The following SETD5 variants were observed in gnomAD, a reference collection of about 807,000 sequenced individuals.
The protein encoded by SETD5 is histone-lysine N-methyltransferase SETD5.
A neutral mutation model predicts 153.3 loss-of-function variants in SETD5; 44 were observed. The observed-to-expected ratio is 0.29, with a 90% CI of 0.23 to 0.37. SETD5 has a LOEUF of 0.37. SETD5 is among the 10% of genes least tolerant of loss of function. SETD5 has a pLI of 1.00. For missense variants in SETD5, 1,544 were observed against 1,768.0 expected (o/e 0.87, Z 2.27); for synonymous variants, 716 against 645.2 (o/e 1.11, Z -1.66).
intron 13 of SETD5, among the ~76,000 whole-genome samples, chr3:9,446,138 T>G (rs899656016): frequency 2.6e-5 from 4 of 151,350 alleles, no homozygotes; most frequent in Non-Finnish European, 4.4e-5. Context: ...ATACAAAAAA[T>G]TAGCCGGGCG....
intron 18 of SETD5, chr3:9,464,909 T>A: frequency 1.8e-6 from 1 of 559,166 alleles, no homozygotes. Context: ...ATGTATCTTT[T>A]GCATGCAGTC....
Position 9,448,007 on chromosome 3 carries a change from G to GTAA in SETD5, c.2103+2_2103+4dup, listed in dbSNP as rs1246998139. On this transcript the variant is annotated splice_donor_variant, in intron 15 of 22. Transcript: ENST00000402198. LOFTEE classifies it high-confidence loss of function. ...ATCTAAATACCCCAAAACCAAAAAG[G>GTAA]TAAGTCACAAATGCATCCTTTATAA... 6.2e-7 allele frequency: 1 copy of GTAA among 1,610,432 alleles called. No individual in the cohort carries two copies. Among genetic ancestry groups the GTAA allele is most frequent in the Non-Finnish European group, 8.5e-7 (1 of 1,177,528 alleles).
chr3:9,454,498 A>T (rs1451998374), intron 17 of SETD5, among the ~76,000 whole-genome samples: 1 of 151,802 alleles, frequency 6.6e-6, no homozygotes, highest in African/African-American at 2.4e-5. Flanking sequence ...AGGTGCCTGT[A>T]ATCCCTCCCT....
intron 1 of SETD5, among the ~76,000 whole-genome samples, chr3:9,406,901 G>T (rs2035789333): frequency 6.6e-6 from 1 of 152,184 alleles, no homozygotes; most frequent in South Asian, 2.1e-4. Flanking sequence ...AAAACAAAGT[G>T]ACATAAAATA....
At chr3:9,418,180 C>G (rs2037825303) in intron 1 of SETD5, among the ~76,000 whole-genome samples, 1 of 150,800 alleles carries the variant, frequency 6.6e-6, no homozygotes, top group African/African-American at 2.5e-5. Context: ...GATCTCCTGA[C>G]CTTGTGATCC....
chr3:9,468,078 A>G (rs1244152547), intron 18 of SETD5, among the ~76,000 whole-genome samples: 1 of 150,810 alleles, frequency 6.6e-6, no homozygotes, highest in African/African-American at 2.4e-5. Context: ...CATATAAGAG[A>G]ATAAAGAAAT....
intron 1 of SETD5, among the ~76,000 whole-genome samples, chr3:9,398,933 G>T (rs1575119064): frequency 6.6e-6 from 1 of 152,184 alleles, no homozygotes; most frequent in South Asian, 2.1e-4. Flanking sequence ...TGGGTCAGGG[G>T]TGCGTGTATG....
intron 7 of SETD5, among the ~76,000 whole-genome samples, chr3:9,439,741 C>G (rs1271236860): frequency 2.0e-5 from 3 of 152,176 alleles, no homozygotes; most frequent in Admixed American, 6.5e-5. Flanking sequence ...TAGCAAAGTA[C>G]CTCCTAGACA....
chr3:9,428,860 C>A lies in SETD5; in HGVS notation c.-79C>A. On this transcript the variant is annotated 5_prime_UTR_variant, in exon 3 of 23. An upstream open reading frame in the 5' UTR gains an earlier in-frame stop. Transcript: ENST00000402198. The stretch of plus-strand genomic sequence containing the variant: ...CCATAACATGTTGGATGAGGCTCTG[C>A]AGCTCACCCCCACTCTCAGAGTGGT... 1 of 962,872 alleles carries A rather than the reference C, an allele frequency of 1.0e-6. No homozygotes were observed. The highest frequency in any genetic ancestry group is 1.6e-6 in the Non-Finnish European group (1 of 626,782). The allele number at this position is 962,872 out of a possible 1,614,324, so 59.6% of individuals were successfully genotyped here.
intron 1 of SETD5, among the ~76,000 whole-genome samples, chr3:9,407,112 T>C (rs1359578909): frequency 6.6e-6 from 1 of 152,150 alleles, no homozygotes; most frequent in Non-Finnish European, 1.5e-5. Flanking sequence ...TGGATCACCT[T>C]AGGTCAGGTG....
chr3:9,472,832 CT>C (rs1309793484), intron 19 of SETD5, among the ~76,000 whole-genome samples: 1 of 152,084 alleles, frequency 6.6e-6, no homozygotes, highest in Non-Finnish European at 1.5e-5. Flanking sequence ...ACCTGGGAGG[CT>C]TTTTAAACTA....
intron 1 of SETD5, among the ~76,000 whole-genome samples, chr3:9,413,649 G>GGTGTGTGT (rs1160123997): frequency 0.014 from 1,991 of 140,432 alleles, 23 homozygotes; most frequent in African/African-American, 0.034. Flanking sequence ...GGGGAGGCGG[G>GGTGTGTGT]GTGTGTGTGT....
intron 1 of SETD5, chr3:9,423,220 G>A (rs2038674792): frequency 6.6e-6 from 1 of 152,236 alleles, no homozygotes. Context: ...ATGATACAGA[G>A]ACTGTTGGCC....
chr3:9,440,712 G>A lies in SETD5; in HGVS notation c.810+14G>A. 2.5e-6 allele frequency: 4 copies of A among 1,609,872 alleles called. No individual in the cohort carries two copies. Among genetic ancestry groups the A allele is most frequent in the African/African-American group, 1.3e-5 (1 of 74,950 alleles). The stretch of plus-strand genomic sequence containing the variant: ...TCCCAAATGCAGGTAAGCACCAAAG[G>A]GTTGAGGACTCTCTAAGTAGCTGAA... On this transcript the variant is annotated intron_variant, in intron 8 of 22. Transcript: ENST00000402198.
chr3:9,475,892 A>G lies in SETD5; in HGVS notation c.4130A>G (p.Asn1377Ser). 1 of 1,613,408 alleles carries G rather than the reference A, an allele frequency of 6.2e-7. No homozygotes were observed. The highest frequency in any genetic ancestry group is 1.6e-4 in the Middle Eastern group (1 of 6,062). ...CTGAGTTCCACCTCCTTTCCTCAGAACTCTAGGTCGTCATTGCCATCAGAC... is the reference window on the plus strand; with the variant it reads ...CTGAGTTCCACCTCCTTTCCTCAGAGCTCTAGGTCGTCATTGCCATCAGAC... ...GTLSSTSFPQ[N>S]SRSSLPSDLR... Residue 1377 changes from asparagine to serine, a missense_variant, in exon 23 of 23, where the codon AAC becomes AGC. Asn to Ser is a conservative substitution (Grantham distance 46). This residue lies in a region of SETD5 where 302 missense variants were observed against 277.6 expected (regional missense o/e 1.09). Coordinates refer to ENST00000402198, the MANE Select transcript of SETD5 (RefSeq NM_001080517.3).
At chr3:9,445,932 G>T (rs2041888790) in intron 13 of SETD5, among the ~76,000 whole-genome samples, 192 bp downstream of exon 13, 1 of 133,692 alleles carries the variant, frequency 7.5e-6, no homozygotes, top group African/African-American at 2.8e-5. Context: ...TAGTTTTGTA[G>T]TGATTATTAT....
intron 1 of SETD5, among the ~76,000 whole-genome samples, chr3:9,422,428 T>TTA (rs1470457088): frequency 1.3e-5 from 2 of 152,208 alleles, no homozygotes; most frequent in East Asian, 3.8e-4. Flanking sequence ...ACTTGAAATG[T>TTA]TATAGCTGGA....
At chr3:9,404,187 A>G (rs1157148260) in intron 1 of SETD5, among the ~76,000 whole-genome samples, 2 of 152,236 alleles carry the variant, frequency 1.3e-5, no homozygotes, top group Admixed American at 1.3e-4. Flanking sequence ...TGCAACAATA[A>G]AGGGAACTGG....
rs545569409 is a variant in SETD5 at position 9,468,625 on chromosome 3, C to G, written c.2725-1834C>G. Reference sequence around the variant, plus strand: ...CACTTGGAGGCTGAGAGTGAGTGTTCATGAATGTGTTCCTGAGTGTGTGGG... The same window carrying G: ...CACTTGGAGGCTGAGAGTGAGTGTTGATGAATGTGTTCCTGAGTGTGTGGG... On this transcript the variant is annotated intron_variant, in intron 18 of 22. Transcript: ENST00000402198. 89 of 1,293,914 alleles carry G rather than the reference C, an allele frequency of 6.9e-5. No homozygotes were observed. In the African/African-American group the frequency reaches 1.1e-3, roughly 17 times the overall value. 80.2% of individuals were successfully genotyped at this position (1,293,914 alleles called of 1,614,324 possible).
Sources: gnomAD v4.1 joint callset for allele counts (sites outside exome capture counted in the v4.1 genomes callset) on GRCh38, gnomAD v4.1.1 for gene constraint, gnomAD v4.1.1 regional missense constraint, MANE v1.5 for transcripts, NCBI Gene and HGNC (gene_info 2026-07-23, HGNC 2026-07-21) for gene names.